FAM13B: variants seen among roughly 807,000 people sequenced by gnomAD.
FAM13B encodes family with sequence similarity 13 member B, also known as protein FAM13B.
Under a neutral mutation model 117.3 loss-of-function variants are expected in FAM13B, and 60 were observed. That is an observed-to-expected ratio of 0.51 (90% CI 0.42 to 0.63). The LOEUF is 0.63. FAM13B is among the 30% of genes least tolerant of loss of function. The pLI, the probability that FAM13B is intolerant of heterozygous loss-of-function variation, is 0.00. For synonymous variants in FAM13B, 332 were observed against 356.1 expected, an observed-to-expected ratio of 0.93 and a Z score of 0.76; for missense variants, 972 against 1,091.9, an observed-to-expected ratio of 0.89 and a Z score of 1.55.
At chr5:137,943,340 T>C in intron 20 of FAM13B, 124 bp from the exon 21 acceptor site, 1 of 728,956 alleles carries the variant, frequency 1.4e-6, no homozygotes, top group Non-Finnish European at 2.2e-6. Flanking sequence ...TTGCTTTAAA[T>C]CTTTTTAGGA....
intron 16 of FAM13B, 71 bp downstream of exon 16, chr5:137,953,265 T>C (rs1021687822): frequency 6.0e-5 from 92 of 1,533,614 alleles, no homozygotes; most frequent in Non-Finnish European, 7.3e-5. Context: ...TCTAAACTAA[T>C]GCTTTTGAAA....
intron 7 of FAM13B, among the ~76,000 whole-genome samples, chr5:137,993,777 A>T (rs1488300637): frequency 1.3e-5 from 2 of 151,988 alleles, no homozygotes; most frequent in Admixed American, 6.6e-5. Flanking sequence ...ACAGAGCAAG[A>T]CTCCGCCTCA....
intron 2 of FAM13B, chr5:138,019,868 G>A (rs867742760): frequency 9.3e-5 from 17 of 182,040 alleles, no homozygotes; most frequent in Middle Eastern, 2.7e-3. Context: ...TTTTAGTAGA[G>A]ATGGGGTTTC....
At chr5:138,042,636 A>C (rs1399084573) in intron 1 of FAM13B, among the ~76,000 whole-genome samples, 2 of 12,132 alleles carry the variant, frequency 1.6e-4, no homozygotes, top group Non-Finnish European at 5.5e-4. Flanking sequence ...GAAAAACTTA[A>C]AAGAAAAAAA....
At chr5:137,951,914 T>C (rs1178769826) in intron 17 of FAM13B, among the ~76,000 whole-genome samples, 1 of 151,898 alleles carries the variant, frequency 6.6e-6, no homozygotes, top group Non-Finnish European at 1.5e-5. Context: ...GAGGCAGAGG[T>C]TGCAGTGAGC....
chr5:137,973,092 G>C (rs1264264522), intron 10 of FAM13B, among the ~76,000 whole-genome samples: 1 of 152,098 alleles, frequency 6.6e-6, no homozygotes, highest in Non-Finnish European at 1.5e-5. Context: ...TTTCTTCACA[G>C]AATTGGAAAA....
intron 10 of FAM13B, among the ~76,000 whole-genome samples, chr5:137,965,689 A>G (rs765092103): frequency 1.3e-5 from 2 of 152,218 alleles, no homozygotes; most frequent in East Asian, 3.8e-4. Context: ...TACTGAATTA[A>G]TATGATCAAA....
At chr5:138,011,625 A>G in intron 5 of FAM13B, 143 bp downstream of exon 5, 1 of 551,668 alleles carries the variant, frequency 1.8e-6, no homozygotes. Flanking sequence ...TCACCGTGTT[A>G]GCCAGGATGG....
intron 1 of FAM13B, among the ~76,000 whole-genome samples, chr5:138,040,378 G>A (rs1308485305): frequency 4.6e-5 from 7 of 151,396 alleles, no homozygotes; most frequent in African/African-American, 1.7e-4. Flanking sequence ...GACCAGCCTG[G>A]CCAATATGGT....
At chr5:138,033,402 C>T (rs752523321), upstream of FAM13B, among the ~76,000 whole-genome samples, 2 of 152,180 alleles carry the variant, frequency 1.3e-5, no homozygotes, top group African/African-American at 4.8e-5. Context: ...AAGCCAGGCC[C>T]CCAGGGCGCC....
Position 138,030,712 on chromosome 5 carries a change from C to CG in FAM13B, c.-203+2069_-203+2070insC, listed in dbSNP as rs1375759658. On this transcript the variant is annotated intron_variant, in intron 1 of 23. Coordinates refer to ENST00000689681, the MANE Select transcript of FAM13B (RefSeq NM_001385994.1). ...CTGGGCAACAAGAATGAAACTCCGTCCCCCCCCCCCAAAAAAAAAAATTGA... is the reference window on the plus strand; with the variant it reads ...CTGGGCAACAAGAATGAAACTCCGTCGCCCCCCCCCCAAAAAAAAAAATTGA... Among the ~76,000 whole-genome samples the CG allele has an allele frequency of 1.9e-4, 13 of 67,702 alleles. No individual in the cohort carries two copies. In the East Asian group the frequency reaches 6.2e-3, roughly 32 times the overall value. The allele number at this position is 67,702 out of a possible 152,430, so 44.4% of individuals were successfully genotyped here.
chr5:137,956,362 G>T, intron 14 of FAM13B, 115 bp downstream of exon 14: 1 of 555,362 alleles, frequency 1.8e-6, no homozygotes, highest in Non-Finnish European at 2.9e-6. Flanking sequence ...GGTTCACTTT[G>T]AACCCAGAAC....
chr5:137,953,462 A>C lies in FAM13B; in HGVS notation c.1722T>G (p.Ile574Met), dbSNP rs780236139. 2 of 1,613,560 alleles carry C rather than the reference A, an allele frequency of 1.2e-6. No individual in the cohort carries two copies. Among genetic ancestry groups the C allele is most frequent in the South Asian group, 2.2e-5 (2 of 91,056 alleles). The part of the protein sequence containing the change: ...SSSKALSFTR[I>M]RRSSFSSKDE... ...CTTTTGAACTAAAGGATGATCTTCGAATTCTGAATTAAAACAAAAGGCCAA... is the reference window on the plus strand; with the variant it reads ...CTTTTGAACTAAAGGATGATCTTCGCATTCTGAATTAAAACAAAAGGCCAA... Residue 574 changes from isoleucine to methionine, a missense_variant, in exon 16 of 24, where the codon ATT (isoleucine) becomes ATG (methionine). By Grantham distance (10) the Ile-to-Met change is conservative. Transcript: ENST00000689681.
At chr5:137,966,235 A>G (rs1426965466) in intron 10 of FAM13B, among the ~76,000 whole-genome samples, 10 of 151,702 alleles carry the variant, frequency 6.6e-5, no homozygotes, top group Admixed American at 5.9e-4. Context: ...TCAGGCGTTC[A>G]AGACCAGCCT....
At chr5:137,989,246 C>T (rs763029219) in intron 7 of FAM13B, among the ~76,000 whole-genome samples, 16 of 152,178 alleles carry the variant, frequency 1.1e-4, no homozygotes, top group Admixed American at 5.2e-4. Flanking sequence ...GCAGAACAAA[C>T]GCTATGAAGT....
chr5:137,942,674 T>TAAA, intron 22 of FAM13B: 1 of 546,726 alleles, frequency 1.8e-6, no homozygotes, highest in Non-Finnish European at 3.1e-6. Context: ...GATTTTTTTT[T>TAAA]AATTTTTGAA....
chr5:137,947,727 T>C (rs546884253), intron 18 of FAM13B, among the ~76,000 whole-genome samples: 2 of 152,202 alleles, frequency 1.3e-5, no homozygotes, highest in Admixed American at 6.5e-5. Flanking sequence ...ATTACAGGCA[T>C]GTGCCACCAC....
Position 138,011,631 on chromosome 5 carries a change from G to C in FAM13B, c.548+137C>G, listed in dbSNP as rs1415302169. On this transcript the variant is annotated intron_variant, in intron 5 of 23. Coordinates refer to ENST00000689681, the MANE Select transcript of FAM13B (RefSeq NM_001385994.1). ...GACGGGGTTTCACCGTGTTAGCCAG[G>C]ATGGTCTCAATCTCCTGACCTTGTG... 4.1e-5 allele frequency: 23 copies of C among 567,450 alleles called. No homozygotes were observed. The East Asian group carries it at 8.1e-4, about 20-fold the overall frequency. 35.2% of individuals were successfully genotyped at this position (567,450 alleles called of 1,614,324 possible).
rs779454009 is a variant in FAM13B at position 137,942,890 on chromosome 5, G to A, written c.2573C>T (p.Ser858Phe). ...KLALDLRLSS[S>F]RAASMPELLE... ...GCATACATACATAGAAGCTGCTCGA[G>A]AACTTGACAATCGGAGATCCAGAGC... is the stretch of plus-strand genomic sequence containing the variant. The change falls in exon 22 of 24, where the codon TCT becomes TTT. Residue 858 changes from serine to phenylalanine, a missense_variant. Ser to Phe is a radical substitution (Grantham distance 155, BLOSUM62 -2). Coordinates refer to ENST00000689681, the MANE Select transcript of FAM13B (RefSeq NM_001385994.1). 22 of 1,609,140 alleles carry A rather than the reference G, an allele frequency of 1.4e-5. No homozygotes were observed. In the East Asian group the frequency reaches 4.9e-4, roughly 36 times the overall value.
Sources: gnomAD v4.1 joint callset for allele counts (sites outside exome capture counted in the v4.1 genomes callset) on GRCh38, gnomAD v4.1.1 for gene constraint, MANE v1.5 for transcripts, NCBI Gene and HGNC (gene_info 2026-07-23, HGNC 2026-07-21) for gene names.